Variants in NCOA1 observed in about 807,000 individuals in gnomAD.
NCOA1 encodes the protein Hin-2 protein.
A neutral mutation model predicts 150.9 loss-of-function variants in NCOA1; 35 were observed. The ratio of observed to expected loss-of-function variants is 0.23; its 90% confidence interval spans 0.18 to 0.31. The LOEUF (loss-of-function observed/expected upper bound fraction) is 0.31. Ranked by LOEUF, NCOA1 falls within the 10% of genes least tolerant of loss-of-function variation. NCOA1 has a pLI of 1.00. For synonymous variants in NCOA1, 590 were observed against 630.0 expected (o/e 0.94, Z 0.95); for missense variants, 1,491 against 1,749.3 (o/e 0.85, Z 2.63).
At chr2:24,674,645 G>A (rs1671826461) in intron 7 of NCOA1, among the ~76,000 whole-genome samples, 1 of 152,130 alleles carries the variant, frequency 6.6e-6, no homozygotes, top group East Asian at 1.9e-4. Context: ...CCTACAGTGT[G>A]TTAGACACTG....
intron 8 of NCOA1, 101 bp downstream of exon 8, chr2:24,683,229 T>G (rs1672256379): frequency 1.5e-6 from 1 of 652,944 alleles, no homozygotes; most frequent in South Asian, 6.5e-5. Flanking sequence ...TACACAGTAT[T>G]ATATATGTTA....
rs747022874 is a variant in NCOA1, at chr2:24,691,575, C to T, written c.627C>T (p.Thr209=). 25 of 1,613,952 alleles carry T rather than the reference C, an allele frequency of 1.5e-5. No individual in the cohort carries two copies. The highest frequency in any genetic ancestry group is 3.3e-5 in the South Asian group (3 of 91,070). ...MLIHPPDEPG[T]ENQEACQRYE... Reference sequence around the variant, plus strand: ...TTCACCCTCCAGATGAGCCAGGGACCGAGAACCAAGAAGCTTGCCAGCGTT... The same window carrying T: ...TTCACCCTCCAGATGAGCCAGGGACTGAGAACCAAGAAGCTTGCCAGCGTT... Residue 209 remains threonine (T), a synonymous_variant, in exon 9 of 23, where the codon ACC becomes ACT. Transcript: ENST00000348332.
chr2:24,590,244 G>GA (rs1236196564), intron 3 of NCOA1, among the ~76,000 whole-genome samples: 1 of 152,116 alleles, frequency 6.6e-6, no homozygotes, highest in Non-Finnish European at 1.5e-5. Context: ...TCAGTGGAAG[G>GA]AAAAGCAAAT....
At chr2:24,664,388 T>C (rs1003105177) in intron 5 of NCOA1, among the ~76,000 whole-genome samples, 2 of 152,194 alleles carry the variant, frequency 1.3e-5, no homozygotes, top group Admixed American at 6.5e-5. Flanking sequence ...TTTTGTGCTA[T>C]TGTTTTTATA....
intron 19 of NCOA1, among the ~76,000 whole-genome samples, chr2:24,744,454 G>C (rs1663783918): frequency 6.6e-6 from 1 of 152,184 alleles, no homozygotes; most frequent in African/African-American, 2.4e-5. Flanking sequence ...AATGTTTAAA[G>C]ATGCAATGTT....
chr2:24,546,490 G>A (rs1034273972), intron 1 of NCOA1, among the ~76,000 whole-genome samples: 3 of 152,068 alleles, frequency 2.0e-5, no homozygotes, highest in African/African-American at 7.2e-5. Context: ...ATAGTCCTAG[G>A]TTCATTGTTC....
In NCOA1 at chr2:24,768,770, G is replaced by A. The variant is rs554258226; in HGVS notation, c.*379G>A. On this transcript the variant is annotated 3_prime_UTR_variant, in exon 23 of 23. Coordinates refer to ENST00000348332, the MANE Select transcript of NCOA1 (RefSeq NM_003743.5). ...AAGAAGATGAAGCTCCGCCTCCGCC[G>A]CTTAGTCCCAACCCTGCCCAGGAAG... 6 of 227,062 alleles carry A rather than the reference G, an allele frequency of 2.6e-5. No homozygotes were observed. The highest frequency in any genetic ancestry group is 1.4e-3 in the Middle Eastern group (1 of 732). The allele number at this position is 227,062 out of a possible 1,614,324, so 14.1% of individuals were successfully genotyped here.
intron 1 of NCOA1, among the ~76,000 whole-genome samples, chr2:24,510,632 G>A (rs566507815): frequency 1.3e-5 from 2 of 152,202 alleles, no homozygotes; most frequent in Non-Finnish European, 2.9e-5. Context: ...GATTACAGGC[G>A]TGAGCCACTG....
intron 10 of NCOA1, among the ~76,000 whole-genome samples, chr2:24,694,827 A>T (rs56005911): frequency 0.014 from 2,127 of 151,692 alleles, 49 homozygotes; most frequent in African/African-American, 0.048. Context: ...TTTTTTTAAA[A>T]TTTTTTTTTA....
At position 24,705,217 on chromosome 2, in the gene NCOA1, A is replaced by T; in HGVS notation, c.1081A>T (p.Ile361Phe). 1.9e-6 allele frequency: 3 copies of T among 1,613,994 alleles called. No individual in the cohort carries two copies. The South Asian group carries it at 3.3e-5, about 18-fold the overall frequency. The change falls in exon 12 of 23, where the codon ATT (isoleucine) becomes TTT (phenylalanine). Residue 361 changes from isoleucine to phenylalanine, a missense_variant. Ile to Phe is a conservative substitution (Grantham distance 21). Around this residue, in one of 8 missense-constraint regions of NCOA1, gnomAD observed 703 missense variants for 717.7 expected, o/e 0.98. Coordinates refer to ENST00000348332, the MANE Select transcript of NCOA1 (RefSeq NM_003743.5). The stretch of plus-strand genomic sequence containing the variant: ...AGACATGCAACCTTTCATCATGGGA[A>T]TTCATATCATCGACAGGTACTACTT... Reference protein sequence around the residue: ...SPDMQPFIMGIHIIDREHSGL... With the variant: ...SPDMQPFIMGFHIIDREHSGL...
In NCOA1 at chr2:24,715,927, G is replaced by A. The variant is rs2148614216; in HGVS notation, c.2599+4816G>A. Among the ~76,000 whole-genome samples the A allele has an allele frequency of 1.3e-5, 2 of 152,242 alleles. 1 individual carries two copies. Among genetic ancestry groups the A allele is most frequent in the South Asian group, 4.1e-4 (2 of 4,826 alleles). ...GGAGGCCGAGGCAGGCGGATCACAAGGTCAGGAGATCGAGACCATCCTGGT... is the reference window on the plus strand; with the variant it reads ...GGAGGCCGAGGCAGGCGGATCACAAAGTCAGGAGATCGAGACCATCCTGGT... On this transcript the variant is annotated intron_variant, in intron 14 of 22. Coordinates refer to ENST00000348332, the MANE Select transcript of NCOA1 (RefSeq NM_003743.5).
At chr2:24,662,932 C>T (rs575354955) in intron 5 of NCOA1, among the ~76,000 whole-genome samples, 45 of 151,646 alleles carry the variant, frequency 3.0e-4, no homozygotes, top group African/African-American at 9.9e-4. Flanking sequence ...GGACTACAGG[C>T]GCACACCATC....
intron 8 of NCOA1, among the ~76,000 whole-genome samples, chr2:24,687,931 G>T (rs1033901541): frequency 6.6e-6 from 1 of 152,166 alleles, no homozygotes; most frequent in Non-Finnish European, 1.5e-5. Flanking sequence ...TTAGGCCCCA[G>T]TGTCTGTTCT....
At chr2:24,692,344 T>C (rs1672703939) in intron 9 of NCOA1, among the ~76,000 whole-genome samples, 1 of 152,332 alleles carries the variant, frequency 6.6e-6, no homozygotes, top group Non-Finnish European at 1.5e-5. Context: ...CTGGAGACTT[T>C]TTACAAAATA....
intron 1 of NCOA1, among the ~76,000 whole-genome samples, chr2:24,538,982 C>T (rs1040220100): frequency 3.9e-5 from 6 of 152,248 alleles, no homozygotes; most frequent in African/African-American, 1.2e-4. Flanking sequence ...CTAAGCAGAG[C>T]GTTAAAATTC....
chr2:24,621,678 C>A (rs1669173126), intron 3 of NCOA1, among the ~76,000 whole-genome samples: 1 of 151,978 alleles, frequency 6.6e-6, no homozygotes, highest in Non-Finnish European at 1.5e-5. Flanking sequence ...CAGGGTTTCA[C>A]CATGTTGGCC....
intron 1 of NCOA1, among the ~76,000 whole-genome samples, chr2:24,501,202 C>T (rs1663446543): frequency 6.6e-6 from 1 of 152,146 alleles, no homozygotes; most frequent in Non-Finnish European, 1.5e-5. Context: ...ATGTTTTATT[C>T]AGTGCACCCA....
intron 18 of NCOA1, among the ~76,000 whole-genome samples, chr2:24,741,503 G>A (rs552862686): frequency 1.3e-5 from 2 of 152,180 alleles, no homozygotes; most frequent in Admixed American, 1.3e-4. Flanking sequence ...TTTCAGTTCT[G>A]TGTGACTTTT....
At chr2:24,559,864 C>A (rs754765565) in intron 1 of NCOA1, among the ~76,000 whole-genome samples, 4 of 152,166 alleles carry the variant, frequency 2.6e-5, no homozygotes, top group Non-Finnish European at 5.9e-5. Context: ...TCTATCTGTT[C>A]CCCAGAGGCA....
Sources: allele counts gnomAD v4.1 joint callset (sites outside exome capture counted in the v4.1 genomes callset), GRCh38; gene constraint gnomAD v4.1.1; regional missense constraint gnomAD v4.1.1; transcripts MANE v1.5; gene names NCBI Gene and HGNC (gene_info 2026-07-23, HGNC 2026-07-21).